The following CTNND2 variants were observed in gnomAD, a reference collection of about 807,000 sequenced individuals.
CTNND2 encodes the protein catenin delta-2.
Under a neutral mutation model 144.4 loss-of-function variants are expected in CTNND2, and 22 were observed. That is an observed-to-expected ratio of 0.15 (90% CI 0.11 to 0.22). The LOEUF (loss-of-function observed/expected upper bound fraction) is 0.22, where lower values mean the gene tolerates loss of function less well. Among genes scored for constraint, CTNND2 ranks in the 10% least tolerant of loss-of-function variants. The probability of loss-of-function intolerance (pLI) is 1.00; values close to 1 mark genes in which losing one functional copy is unlikely to be tolerated. For synonymous variants in CTNND2, 751 were observed against 695.6 expected (o/e 1.08, Z -1.25); for missense variants, 1,353 against 1,618.8 (o/e 0.84, Z 2.82).
chr5:11,115,131 A>T (rs1286111571), intron 13 of CTNND2, among the ~76,000 whole-genome samples: 2 of 152,074 alleles, frequency 1.3e-5, no homozygotes, highest in Non-Finnish European at 2.9e-5. Context: ...GGGTTTTCTG[A>T]CTCCAGCCCT....
intron 1 of CTNND2, among the ~76,000 whole-genome samples, chr5:11,867,222 A>G (rs923439913): frequency 6.6e-6 from 1 of 152,242 alleles, no homozygotes; most frequent in African/African-American, 2.4e-5. Context: ...AGGCTGTGGT[A>G]CTAATTTTAT....
At chr5:11,355,543 C>T (rs948022002) in intron 8 of CTNND2, among the ~76,000 whole-genome samples, 2 of 151,974 alleles carry the variant, frequency 1.3e-5, no homozygotes, top group Non-Finnish European at 2.9e-5. Flanking sequence ...TTAAGCCATA[C>T]ATGACAAACC....
At chr5:11,836,797 G>A (rs1168769481) in intron 1 of CTNND2, among the ~76,000 whole-genome samples, 1 of 152,178 alleles carries the variant, frequency 6.6e-6, no homozygotes, top group Non-Finnish European at 1.5e-5. Flanking sequence ...AAATATGTGA[G>A]ACAGAAATTA....
intron 3 of CTNND2, among the ~76,000 whole-genome samples, chr5:11,541,214 G>A (rs1267119699): frequency 6.6e-6 from 1 of 152,174 alleles, no homozygotes; most frequent in Non-Finnish European, 1.5e-5. Context: ...CAGGCTCCCT[G>A]AGGTTGGTCC....
intron 11 of CTNND2, among the ~76,000 whole-genome samples, chr5:11,193,284 C>T (rs1281265569): frequency 1.3e-5 from 2 of 152,134 alleles, no homozygotes; most frequent in Non-Finnish European, 2.9e-5. Flanking sequence ...TCCTTTGAAC[C>T]TTAATGTCTT....
chr5:11,465,304 T>TC (rs1481427008), intron 3 of CTNND2, among the ~76,000 whole-genome samples: 2 of 147,600 alleles, frequency 1.4e-5, no homozygotes, highest in African/African-American at 4.9e-5. Context: ...AAACTGAACT[T>TC]TTTTTTTTTT....
chr5:11,531,316 C>G (rs1047977129), intron 3 of CTNND2, among the ~76,000 whole-genome samples: 1 of 152,086 alleles, frequency 6.6e-6, no homozygotes, highest in African/African-American at 2.4e-5. Flanking sequence ...CACGGCCCCC[C>G]ACACAGTGAG....
intron 9 of CTNND2, among the ~76,000 whole-genome samples, chr5:11,283,668 C>T (rs544924314): frequency 6.3e-3 from 323 of 51,056 alleles, no homozygotes; most frequent in Middle Eastern, 0.025. Context: ...AGTGAGACTC[C>T]GTCTCAAAAA....
At chr5:11,365,552 T>A (rs951533362) in intron 7 of CTNND2, among the ~76,000 whole-genome samples, 8 of 152,242 alleles carry the variant, frequency 5.3e-5, no homozygotes, top group African/African-American at 1.9e-4. Flanking sequence ...TGGTTTAATG[T>A]ATAAATTGCG....
At chr5:11,309,268 C>A (rs1245208679) in intron 9 of CTNND2, among the ~76,000 whole-genome samples, 3 of 152,236 alleles carry the variant, frequency 2.0e-5, no homozygotes, top group Admixed American at 1.3e-4. Context: ...GTCACAGGCA[C>A]TCAACGCCAG....
chr5:11,272,865 C>G (rs1746161355), intron 9 of CTNND2, among the ~76,000 whole-genome samples: 1 of 152,066 alleles, frequency 6.6e-6, no homozygotes, highest in East Asian at 1.9e-4. Context: ...GAGTAGGGGT[C>G]AAAATCTGGC....
intron 7 of CTNND2, among the ~76,000 whole-genome samples, chr5:11,375,951 C>A (rs919132870): frequency 6.6e-6 from 1 of 152,050 alleles, no homozygotes; most frequent in African/African-American, 2.4e-5. Context: ...AGCTAACACC[C>A]AGTGTGATGG....
At chr5:11,089,765 T>G (rs1750568899) in intron 15 of CTNND2, among the ~76,000 whole-genome samples, 2 of 152,196 alleles carry the variant, frequency 1.3e-5, no homozygotes, top group African/African-American at 2.4e-5. Flanking sequence ...ATCCGAGCAC[T>G]TTCGGAGGCC....
At chr5:11,819,845 G>A (rs979165593) in intron 1 of CTNND2, among the ~76,000 whole-genome samples, 1 of 152,154 alleles carries the variant, frequency 6.6e-6, no homozygotes, top group African/African-American at 2.4e-5. Flanking sequence ...TCTAAACACA[G>A]GCCTCCACAC....
At chr5:11,172,312 A>T (rs1007822934) in intron 11 of CTNND2, among the ~76,000 whole-genome samples, 1 of 152,174 alleles carries the variant, frequency 6.6e-6, no homozygotes. Flanking sequence ...ACAGGAAAAA[A>T]AACTCTAAGT....
chr5:11,378,772 T>G (rs1758180789), intron 7 of CTNND2, among the ~76,000 whole-genome samples: 2 of 152,204 alleles, frequency 1.3e-5, no homozygotes, highest in South Asian at 4.1e-4. Context: ...AGCTTTCATC[T>G]AGGACTAGAC....
chr5:11,160,319 C>G (rs7704256), intron 11 of CTNND2, among the ~76,000 whole-genome samples: 49,854 of 152,110 alleles, frequency 0.33, 9,713 homozygotes, highest in Non-Finnish European at 0.45. Context: ...CAGCTTTTCT[C>G]TGAAAGCAAT....
At chr5:11,362,973 G>A (rs904817234) in intron 8 of CTNND2, among the ~76,000 whole-genome samples, 14 of 152,172 alleles carry the variant, frequency 9.2e-5, no homozygotes, top group Admixed American at 5.9e-4. Flanking sequence ...TCTCAGTAAC[G>A]TTATTTATGG....
At chr5:11,306,988 GT>G (rs996013318) in intron 9 of CTNND2, among the ~76,000 whole-genome samples, 2 of 152,156 alleles carry the variant, frequency 1.3e-5, no homozygotes, top group Non-Finnish European at 2.9e-5. Context: ...ACCTGGGGTT[GT>G]TACCAACATC....
Sources: allele counts gnomAD v4.1 joint callset (sites outside exome capture counted in the v4.1 genomes callset), GRCh38; gene constraint gnomAD v4.1.1; transcripts MANE v1.5; gene names NCBI Gene and HGNC (gene_info 2026-07-23, HGNC 2026-07-21).